Variants in SMARCC1 observed in about 807,000 individuals in gnomAD.
SMARCC1 encodes SWI/SNF related BAF chromatin remodeling complex subunit C1, also known as SWI/SNF complex subunit SMARCC1.
Under a neutral mutation model 147.4 loss-of-function variants are expected in SMARCC1, and 43 were observed. That is an observed-to-expected ratio of 0.29 (90% CI 0.23 to 0.38). SMARCC1 has a LOEUF of 0.38. SMARCC1 is among the 10% of genes least tolerant of loss of function. The pLI, the probability that SMARCC1 is intolerant of heterozygous loss-of-function variation, is 1.00. For synonymous variants in SMARCC1, 495 were observed against 484.4 expected (o/e 1.02, Z -0.29); for missense variants, 1,119 against 1,381.1 (o/e 0.81, Z 3.01).
intron 25 of SMARCC1, among the ~76,000 whole-genome samples, chr3:47,617,555 T>C (rs903536897): frequency 6.6e-6 from 1 of 152,242 alleles, no homozygotes; most frequent in Non-Finnish European, 1.5e-5. Context: ...TGCTAGACAC[T>C]GTGCCAGGCA....
At chr3:47,604,326 C>A (rs773098897) in intron 26 of SMARCC1, 2 of 456,472 alleles carry the variant, frequency 4.4e-6, no homozygotes, top group South Asian at 3.1e-5. Context: ...TCCCTCCTCT[C>A]AGCACTTCCC....
intron 25 of SMARCC1, among the ~76,000 whole-genome samples, chr3:47,617,303 T>C (rs1410462780): frequency 6.6e-6 from 1 of 152,220 alleles, no homozygotes; most frequent in Non-Finnish European, 1.5e-5. Flanking sequence ...CCAACATCAC[T>C]GCTGGATTCT....
At chr3:47,637,848 C>T (rs1156233623) in intron 22 of SMARCC1, among the ~76,000 whole-genome samples, 1 of 152,158 alleles carries the variant, frequency 6.6e-6, no homozygotes, top group Non-Finnish European at 1.5e-5. Context: ...AAGCTCTTCA[C>T]ACACTGGCTT....
At chr3:47,644,248 G>T (rs2033089700) in intron 21 of SMARCC1, among the ~76,000 whole-genome samples, 1 of 152,098 alleles carries the variant, frequency 6.6e-6, no homozygotes, top group African/African-American at 2.4e-5. Flanking sequence ...TCGGAGGCAG[G>T]GGTAGGAAGA....
At chr3:47,593,348 T>G (rs539119476) in intron 26 of SMARCC1, among the ~76,000 whole-genome samples, 3 of 151,928 alleles carry the variant, frequency 2.0e-5, no homozygotes, top group African/African-American at 7.2e-5. Flanking sequence ...ATTTTTGCAT[T>G]TTCTGTAGAG....
chr3:47,624,894 T>TA (rs60766054), intron 24 of SMARCC1, among the ~76,000 whole-genome samples: 1,661 of 111,736 alleles, frequency 0.015, 29 homozygotes, highest in Admixed American at 0.024. Flanking sequence ...TACTAAAAAT[T>TA]AAAAAAAAAA....
chr3:47,689,509 T>C (rs2033766346), intron 12 of SMARCC1, 85 bp from the exon 13 acceptor site: 2 of 1,104,280 alleles, frequency 1.8e-6, no homozygotes, highest in African/African-American at 1.5e-5. Context: ...TAAGAACTGA[T>C]ACTGGACAGA....
intron 16 of SMARCC1, among the ~76,000 whole-genome samples, chr3:47,677,496 A>C (rs187099094): frequency 6.6e-6 from 1 of 151,192 alleles, no homozygotes; most frequent in East Asian, 2.0e-4. Flanking sequence ...TTATGATTTG[A>C]CTAAAAAATT....
chr3:47,605,084 T>C (rs1005345997), intron 26 of SMARCC1, among the ~76,000 whole-genome samples: 1 of 152,356 alleles, frequency 6.6e-6, no homozygotes, highest in East Asian at 1.9e-4. Context: ...AAAGGGGTAA[T>C]TTGGAAAAAT....
intron 12 of SMARCC1, among the ~76,000 whole-genome samples, chr3:47,692,417 C>T (rs2033801200): frequency 6.6e-6 from 1 of 152,178 alleles, no homozygotes; most frequent in African/African-American, 2.4e-5. Context: ...ATTAACACTC[C>T]ACAGATTTTT....
In SMARCC1 at chr3:47,636,160, G is replaced by C. The variant is rs544927939; in HGVS notation, c.2377-24C>G. 2.8e-5 allele frequency: 36 copies of C among 1,307,748 alleles called. No homozygotes were observed. In the East Asian group the frequency reaches 7.4e-4, roughly 27 times the overall value. 81.0% of individuals were successfully genotyped at this position (1,307,748 alleles called of 1,614,324 possible). On this transcript the variant is annotated intron_variant, in intron 22 of 27. Coordinates refer to ENST00000254480, the MANE Select transcript of SMARCC1 (RefSeq NM_003074.4). Reference sequence around the variant, plus strand: ...GCCTGAAAGGGATATAAAACAAGAGGACAGGCAGTGAACAAAAAAACCCCA... The same window carrying C: ...GCCTGAAAGGGATATAAAACAAGAGCACAGGCAGTGAACAAAAAAACCCCA...
At chr3:47,629,746 C>T (rs997910934) in intron 24 of SMARCC1, among the ~76,000 whole-genome samples, 6 of 152,040 alleles carry the variant, frequency 3.9e-5, no homozygotes, top group Non-Finnish European at 5.9e-5. Flanking sequence ...AATAGCCCAG[C>T]GATGAGGTAG....
intron 26 of SMARCC1, among the ~76,000 whole-genome samples, chr3:47,596,804 T>C (rs565794048): frequency 8.6e-5 from 13 of 151,366 alleles, no homozygotes; most frequent in African/African-American, 3.1e-4. Flanking sequence ...CAGAGAAGTA[T>C]GGGCTGAATG....
Position 47,778,279 on chromosome 3 carries a change from GT to G in SMARCC1, c.195+3323del, listed in dbSNP as rs528243088. Among the ~76,000 whole-genome samples the G allele has an allele frequency of 6.0e-5, 9 of 149,676 alleles. No individual in the cohort carries two copies. The South Asian group carries it at 8.5e-4, about 14-fold the overall frequency. On this transcript the variant is annotated intron_variant, in intron 1 of 27. Coordinates refer to ENST00000254480, the MANE Select transcript of SMARCC1 (RefSeq NM_003074.4). ...TTCTATGTCATAAACAATTAATCTG[GT>G]TTTTTTTTGTTTTTGTTTTTTGTTT... is the stretch of plus-strand genomic sequence containing the variant.
chr3:47,720,993 C>T (rs7618758), intron 6 of SMARCC1, among the ~76,000 whole-genome samples: 91,826 of 151,938 alleles, frequency 0.6, 29,072 homozygotes, highest in East Asian at 0.72. Flanking sequence ...TTATCCACTG[C>T]GGTAAAATAC....
At chr3:47,738,619 G>A (rs1009904771) in intron 3 of SMARCC1, among the ~76,000 whole-genome samples, 1 of 152,074 alleles carries the variant, frequency 6.6e-6, no homozygotes, top group African/African-American at 2.4e-5. Context: ...GAGAGGCGGA[G>A]GTTGCAGTGA....
chr3:47,676,827 CATGTGCT>C, intron 16 of SMARCC1, 45 bp from the exon 17 acceptor site: 5 of 1,554,428 alleles, frequency 3.2e-6, no homozygotes, highest in Non-Finnish European at 4.4e-6. Flanking sequence ...GAATCAACTT[CATGTGCT>C]TTTACTATCA....
intron 26 of SMARCC1, among the ~76,000 whole-genome samples, chr3:47,607,582 G>A (rs571715738): frequency 3.3e-5 from 5 of 152,180 alleles, no homozygotes; most frequent in Non-Finnish European, 7.3e-5. Context: ...AGAAGAGAAG[G>A]AATGTGGGGT....
Position 47,714,421 on chromosome 3 carries a change from T to C in SMARCC1, c.786A>G (p.Pro262=), listed in dbSNP as rs750415557. ...EIEDPPIPEK[P]WKVHVKWILD... ...TTTTTGTTAAATCATTTACCTTCCA[T>C]GGTTTTTCTGGAATTGGTGGATCTT... The change falls in exon 8 of 28, where the codon CCA becomes CCG. Residue 262 remains proline (P), a synonymous_variant. Transcript: ENST00000254480. 3 of 1,570,710 alleles carry C rather than the reference T, an allele frequency of 1.9e-6. No homozygotes were observed. Among genetic ancestry groups the C allele is most frequent in the Admixed American group, 1.7e-5 (1 of 57,882 alleles).
Sources: gnomAD v4.1 joint callset for allele counts (sites outside exome capture counted in the v4.1 genomes callset) on GRCh38, gnomAD v4.1.1 for gene constraint, MANE v1.5 for transcripts, NCBI Gene and HGNC (gene_info 2026-07-23, HGNC 2026-07-21) for gene names.